STAU1: variants seen among roughly 807,000 people sequenced by gnomAD.
STAU1 encodes double-stranded RNA-binding protein Staufen homolog 1.
Under a neutral mutation model 62.9 loss-of-function variants are expected in STAU1, and 13 were observed. The observed-to-expected ratio is 0.21, with a 90% CI of 0.13 to 0.33. The LOEUF is 0.33. STAU1 is among the 10% of genes least tolerant of loss of function. The pLI, the probability that STAU1 is intolerant of heterozygous loss-of-function variation, is 1.00. For synonymous variants in STAU1, 269 were observed against 265.1 expected (o/e 1.01, Z -0.14); for missense variants, 571 against 712.1 (o/e 0.80, Z 2.25).
Position 49,118,362 on chromosome 20 carries a change from T to C in STAU1, c.1160A>G (p.Glu387Gly). ...PGDGRKVTFF[E>G]PGSGDENGTS... is the part of the protein sequence containing the mutation. ...CCCATTTTCATCCCCAGAGCCAGGT[T>C]CAAAAAAGGTTACTTTTCTTCCATC... The change falls in exon 10 of 14, where the codon GAA becomes GGA. Residue 387 changes from glutamate (E) to glycine (G), a missense_variant. This residue lies in a region of STAU1 where 414 missense variants were observed against 499.6 expected (regional missense o/e 0.83). Coordinates refer to ENST00000371856, the MANE Select transcript of STAU1 (RefSeq NM_017453.4). 2 of 1,613,354 alleles carry C rather than the reference T, an allele frequency of 1.2e-6. No individual in the cohort carries two copies. The highest frequency in any genetic ancestry group is 1.7e-6 in the Non-Finnish European group (2 of 1,179,792).
At chr20:49,165,915 T>C in intron 3 of STAU1, 82 bp downstream of exon 3, 1 of 1,396,904 alleles carries the variant, frequency 7.2e-7, no homozygotes. Flanking sequence ...ATGTGAGAGC[T>C]CCCTAAATCT....
At chr20:49,187,895 G>A (rs1047069116) in intron 1 of STAU1, among the ~76,000 whole-genome samples, 6 of 151,956 alleles carry the variant, frequency 3.9e-5, no homozygotes, top group African/African-American at 9.7e-5. Flanking sequence ...GGGCTGGAGG[G>A]GATGGGGGCG....
At chr20:49,207,159 G>A in the STAU1 span, among the ~76,000 whole-genome samples, 1 of 151,988 alleles carries the variant, frequency 6.6e-6, no homozygotes, top group Admixed American at 6.6e-5. Flanking sequence ...CCAAGAATTT[G>A]AGGCTGCAGC....
chr20:49,124,117 C>A (rs907751790), intron 7 of STAU1, among the ~76,000 whole-genome samples: 1 of 152,240 alleles, frequency 6.6e-6, no homozygotes, highest in Non-Finnish European at 1.5e-5. Context: ...CAATACCCCA[C>A]TGTGATCGCC....
chr20:49,117,710 T>C lies in STAU1; in HGVS notation c.1509+67A>G. ...AAAAAGTACAAAGTTCAAAGTTCAT[T>C]TTCTGAGAGAAGCCAAAAGATGACT... On this transcript the variant is annotated intron_variant, in intron 11 of 13. Coordinates refer to ENST00000371856, the MANE Select transcript of STAU1 (RefSeq NM_017453.4). This position sits in a 1 kb window ranked among gnomAD's most constrained non-coding sequence, Gnocchi z 4.6. 1 of 1,494,096 alleles carries C rather than the reference T, an allele frequency of 6.7e-7. No homozygotes were observed. Among genetic ancestry groups the C allele is most frequent in the Non-Finnish European group, 8.9e-7 (1 of 1,119,520 alleles). The allele number at this position is 1,494,096 out of a possible 1,614,324, so 92.6% of individuals were successfully genotyped here.
chr20:49,201,166 G>A, the STAU1 span, among the ~76,000 whole-genome samples: 30 of 151,378 alleles, frequency 2.0e-4, no homozygotes, highest in African/African-American at 7.0e-4. Context: ...TGATGGAACT[G>A]TTCTCTATGC....
rs185716394 is a variant in STAU1, at chr20:49,166,932, C to T, written c.-84-647G>A. On this transcript the variant is annotated intron_variant, in intron 2 of 13. Transcript: ENST00000371856. ...CACAACCCTACCCAGGCTCACAGATCCTGAGAAGTGATGTGAGTAACAAAG... is the reference window on the plus strand; with the variant it reads ...CACAACCCTACCCAGGCTCACAGATTCTGAGAAGTGATGTGAGTAACAAAG... Among the ~76,000 whole-genome samples the T allele has an allele frequency of 1.1e-3, 172 of 152,162 alleles. 2 individuals are homozygous for T. Among genetic ancestry groups the T allele is most frequent in the Non-Finnish European group, 1.6e-3 (110 of 68,002 alleles).
At chr20:49,123,356 G>A (rs1035932151) in intron 7 of STAU1, 121 bp from the exon 8 acceptor site, 23 of 1,191,238 alleles carry the variant, frequency 1.9e-5, no homozygotes, top group East Asian at 7.3e-5. Flanking sequence ...CTCAGAATTC[G>A]ATTTTTTTTA....
upstream of STAU1, among the ~76,000 whole-genome samples, chr20:49,193,358 C>T (rs577642474): frequency 6.6e-5 from 10 of 151,710 alleles, no homozygotes; most frequent in Admixed American, 1.3e-4. Context: ...GCCTGGCCAA[C>T]AGAGCAAGAC....
At chr20:49,170,518 TTA>T (rs1180840174) in intron 2 of STAU1, among the ~76,000 whole-genome samples, 1 of 152,036 alleles carries the variant, frequency 6.6e-6, no homozygotes, top group African/African-American at 2.4e-5. Context: ...ACCTGGCTAA[TTA>T]TTTTGTGTTT....
intron 1 of STAU1, among the ~76,000 whole-genome samples, chr20:49,181,409 C>G (rs981147508): frequency 2.0e-5 from 3 of 152,086 alleles, no homozygotes; most frequent in Non-Finnish European, 4.4e-5. Flanking sequence ...TAAATAGGAT[C>G]AGAGAATATG....
upstream of STAU1, among the ~76,000 whole-genome samples, chr20:49,192,426 T>C (rs2093832525): frequency 6.8e-6 from 1 of 147,986 alleles, no homozygotes; most frequent in African/African-American, 2.5e-5. Context: ...AAAATAAAAA[T>C]ACCTAGAAAT....
upstream of STAU1, among the ~76,000 whole-genome samples, chr20:49,189,037 T>G (rs1428369456): frequency 6.7e-6 from 1 of 150,312 alleles, no homozygotes; most frequent in Admixed American, 6.7e-5. Context: ...CCGTCTCTAC[T>G]GAAAATACAA....
intron 2 of STAU1, among the ~76,000 whole-genome samples, chr20:49,168,781 A>AT (rs2146422666): frequency 6.6e-6 from 1 of 152,306 alleles, no homozygotes; most frequent in African/African-American, 2.4e-5. Flanking sequence ...ACCAGTGTGC[A>AT]GAATGGGGAA....
intron 3 of STAU1, among the ~76,000 whole-genome samples, chr20:49,163,930 A>C (rs1011330894): frequency 6.6e-6 from 1 of 151,654 alleles, no homozygotes; most frequent in African/African-American, 2.4e-5. Context: ...AAGCCCAGCT[A>C]ATTTTTAAAT....
intron 1 of STAU1, among the ~76,000 whole-genome samples, chr20:49,187,784 C>T (rs1019488977): frequency 4.0e-5 from 6 of 150,726 alleles, no homozygotes; most frequent in Non-Finnish European, 8.9e-5. Flanking sequence ...CCCCCCCCCC[C>T]CCCCGCCTGC....
At chr20:49,125,324 T>A (rs1600633651) in intron 6 of STAU1, among the ~76,000 whole-genome samples, 4 of 133,878 alleles carry the variant, frequency 3.0e-5, no homozygotes, top group South Asian at 4.7e-4. Flanking sequence ...AGGTCAGGAG[T>A]TCAAGACCAG....
intron 5 of STAU1, among the ~76,000 whole-genome samples, chr20:49,144,531 CATCT>C (rs1452373135): frequency 1.3e-5 from 2 of 152,122 alleles, no homozygotes; most frequent in South Asian, 2.1e-4. Context: ...GGAGTGCTGC[CATCT>C]ATCTGTCTTT....
chr20:49,215,633 C>T, the STAU1 span, among the ~76,000 whole-genome samples: 2 of 152,168 alleles, frequency 1.3e-5, no homozygotes, highest in African/African-American at 2.4e-5. Context: ...GTTGGTGCCA[C>T]TACTCAATAG....
Sources: allele counts gnomAD v4.1 joint callset (sites outside exome capture counted in the v4.1 genomes callset), GRCh38; gene constraint gnomAD v4.1.1; regional missense constraint gnomAD v4.1.1; non-coding constraint Gnocchi (gnomAD v3.1); transcripts MANE v1.5; gene names NCBI Gene and HGNC (gene_info 2026-07-23, HGNC 2026-07-21).